Variants in FOXP1 observed in about 807,000 individuals in gnomAD.
FOXP1 encodes forkhead box P1.
A neutral mutation model predicts 98.2 loss-of-function variants in FOXP1; 15 were observed. The ratio of observed to expected loss-of-function variants is 0.15; its 90% CI spans 0.10 to 0.24. The LOEUF is 0.24. Ranked by LOEUF, FOXP1 falls within the 10% of genes least tolerant of loss-of-function variation. The probability of loss-of-function intolerance (pLI) is 1.00; values close to 1 mark genes in which losing one functional copy is unlikely to be tolerated. For missense variants in FOXP1, 633 were observed against 848.5 expected (o/e 0.75, Z 3.15); for synonymous variants, 371 against 314.5 (o/e 1.18, Z -1.90).
rs57940925 is a variant in FOXP1 at position 71,369,083 on chromosome 3, CT to C, written c.-167-9840del. Among the ~76,000 whole-genome samples the C allele has an allele frequency of 4.2e-4, 62 of 147,202 alleles. No individual in the cohort carries two copies. The East Asian group carries it at 6.3e-3, about 15-fold the overall frequency. On this transcript the variant is annotated intron_variant, in intron 3 of 20. Coordinates refer to ENST00000649528, the MANE Select transcript of FOXP1 (RefSeq NM_001349338.3). ...CCATCTTGACCCCATGGGACCATGTCTTTTTTTTTTTGAAATGGAGTCTCAG... is the reference window on the plus strand; with the variant it reads ...CCATCTTGACCCCATGGGACCATGTCTTTTTTTTTTGAAATGGAGTCTCAG...
intron 3 of FOXP1, among the ~76,000 whole-genome samples, chr3:71,433,381 A>G (rs900764167): frequency 1.6e-4 from 24 of 152,204 alleles, no homozygotes; most frequent in African/African-American, 5.8e-4. Context: ...CTATCAGAAC[A>G]GAGCAAGGGT....
chr3:71,155,881 C>T (rs1355457759), intron 6 of FOXP1, among the ~76,000 whole-genome samples: 1 of 152,198 alleles, frequency 6.6e-6, no homozygotes, highest in Non-Finnish European at 1.5e-5. Context: ...GACAAGACAG[C>T]CCCGCAGTGC....
At chr3:71,499,254 C>A (rs1243310938) in intron 2 of FOXP1, among the ~76,000 whole-genome samples, 1 of 152,166 alleles carries the variant, frequency 6.6e-6, no homozygotes, top group Non-Finnish European at 1.5e-5. Flanking sequence ...GTTCTTTCAG[C>A]CCTCCTCTGC....
intron 5 of FOXP1, among the ~76,000 whole-genome samples, chr3:71,295,209 A>G (rs937957543): frequency 3.9e-5 from 6 of 152,222 alleles, no homozygotes; most frequent in African/African-American, 1.4e-4. Context: ...CAGTGTCTTC[A>G]TAACAACTTC....
Position 70,958,212 on chromosome 3 carries a change from A to AAAG in FOXP1, c.*1032_*1034dup, listed in dbSNP as rs2032301639. On this transcript the variant is annotated 3_prime_UTR_variant, in exon 21 of 21. Transcript: ENST00000649528. ...TGGTTGCTGCAAAAAAAAAAAAAGA[A>AAAG]AAGAAAAGAAAAAAAGAAAATCCGA... 2.1e-6 allele frequency: 1 copy of AAAG among 470,306 alleles called. No individual in the cohort carries two copies. The highest frequency in any genetic ancestry group is 3.1e-5 in the Admixed American group (1 of 32,784). The allele number at this position is 470,306 out of a possible 1,614,324, so 29.1% of individuals were successfully genotyped here.
chr3:71,098,991 G>A (rs1269908989), intron 7 of FOXP1, among the ~76,000 whole-genome samples: 2 of 152,156 alleles, frequency 1.3e-5, no homozygotes, highest in Non-Finnish European at 2.9e-5. Context: ...GCTATTTACA[G>A]ATGTTACTCA....
intron 3 of FOXP1, among the ~76,000 whole-genome samples, chr3:71,413,782 A>G (rs552773878): frequency 3.3e-5 from 5 of 152,116 alleles, no homozygotes; most frequent in Non-Finnish European, 7.4e-5. Context: ...GTGCTTACAT[A>G]CCTAGAAAAA....
intron 10 of FOXP1, among the ~76,000 whole-genome samples, chr3:71,044,619 G>A (rs985935577): frequency 6.6e-6 from 1 of 152,200 alleles, no homozygotes; most frequent in African/African-American, 2.4e-5. Context: ...GAACAGGTAT[G>A]TAAAATAATC....
intron 6 of FOXP1, among the ~76,000 whole-genome samples, chr3:71,172,166 T>A (rs1435775109): frequency 6.6e-6 from 1 of 152,214 alleles, no homozygotes; most frequent in East Asian, 1.9e-4. Context: ...CATTACTTTT[T>A]TTTTAATACA....
chr3:71,329,067 C>T (rs2076124417), intron 4 of FOXP1, among the ~76,000 whole-genome samples: 1 of 148,622 alleles, frequency 6.7e-6, no homozygotes, highest in South Asian at 2.2e-4. Flanking sequence ...CTGTGACTGG[C>T]TTGGTTGCCC....
chr3:71,179,834 A>T (rs2062180201), intron 6 of FOXP1, among the ~76,000 whole-genome samples: 1 of 152,212 alleles, frequency 6.6e-6, no homozygotes. Flanking sequence ...TCTTAGTTGC[A>T]TCTTCTAATT....
At chr3:71,001,265 C>T (rs2042091115) in intron 12 of FOXP1, among the ~76,000 whole-genome samples, 1 of 152,132 alleles carries the variant, frequency 6.6e-6, no homozygotes, top group Admixed American at 6.6e-5. Flanking sequence ...CAAAGAAAAG[C>T]CTTCCAGGGA....
intron 6 of FOXP1, among the ~76,000 whole-genome samples, chr3:71,178,228 G>T (rs140813878): frequency 1.7e-4 from 26 of 149,568 alleles, no homozygotes; most frequent in Non-Finnish European, 2.8e-4. Context: ...TCCGCCTCCC[G>T]GGTTCAAGCA....
intron 3 of FOXP1, among the ~76,000 whole-genome samples, chr3:71,432,400 C>T (rs952179184): frequency 6.6e-6 from 1 of 152,312 alleles, no homozygotes; most frequent in Middle Eastern, 3.4e-3. Context: ...CAGCTTCTGA[C>T]CTTGCACCCC....
rs150945828 is a variant in FOXP1 at position 71,087,476 on chromosome 3, G to A, written c.282+25060C>T. ...TCCTTGATGCAACAAATAAGGGCAC[G>A]CATTCCTTGTCAGTGCATCACAAAA... is the stretch of plus-strand genomic sequence containing the variant. On this transcript the variant is annotated intron_variant, in intron 7 of 20. Coordinates refer to ENST00000649528, the MANE Select transcript of FOXP1 (RefSeq NM_001349338.3). Among the ~76,000 whole-genome samples, 6 of 152,300 alleles carry A rather than the reference G, an allele frequency of 3.9e-5. No homozygotes were observed. In the East Asian group the frequency reaches 7.7e-4, roughly 20 times the overall value.
chr3:71,459,006 C>A (rs2087766049), intron 3 of FOXP1, among the ~76,000 whole-genome samples: 1 of 152,080 alleles, frequency 6.6e-6, no homozygotes, highest in African/African-American at 2.4e-5. Context: ...AAAATGAAAT[C>A]AAGAAATTCT....
At chr3:70,987,707 AT>A (rs1299411392) in intron 14 of FOXP1, among the ~76,000 whole-genome samples, 4 of 152,172 alleles carry the variant, frequency 2.6e-5, no homozygotes, top group Non-Finnish European at 5.9e-5. Context: ...CTCATAATGT[AT>A]TTCAGTACCT....
chr3:71,544,045 A>G (rs779570830), intron 2 of FOXP1, among the ~76,000 whole-genome samples: 2 of 151,890 alleles, frequency 1.3e-5, no homozygotes. Flanking sequence ...ACACACATAT[A>G]TGTGTGTATA....
intron 9 of FOXP1, among the ~76,000 whole-genome samples, chr3:71,047,410 T>C (rs1213958020): frequency 1.3e-5 from 2 of 152,202 alleles, no homozygotes; most frequent in Non-Finnish European, 2.9e-5. Flanking sequence ...TTTTTAATTA[T>C]GCACACTAGA....
Sources: allele counts gnomAD v4.1 joint callset (sites outside exome capture counted in the v4.1 genomes callset), GRCh38; gene constraint gnomAD v4.1.1; transcripts MANE v1.5; gene names NCBI Gene and HGNC (gene_info 2026-07-23, HGNC 2026-07-21).